The following ADGRF5 variants were observed in gnomAD, a reference collection of about 807,000 sequenced individuals.
The protein encoded by ADGRF5 is G-protein coupled receptor 116.
In ADGRF5, 75 loss-of-function variants were observed where a neutral mutation model predicts 132.3. The observed-to-expected ratio is 0.57, with a 90% CI of 0.47 to 0.69. The LOEUF (loss-of-function observed/expected upper bound fraction) is 0.69, where lower values mean the gene tolerates loss of function less well. ADGRF5 is among the 30% of genes least tolerant of loss of function. The pLI is 0.00. For synonymous variants in ADGRF5, 629 were observed against 597.6 expected, an observed-to-expected ratio of 1.05 and a Z score of -0.77; for missense variants, 1,516 against 1,630.6, an observed-to-expected ratio of 0.93 and a Z score of 1.21.
chr6:46,952,420 G>A (rs1313410068), intron 1 of ADGRF5, among the ~76,000 whole-genome samples: 1 of 152,176 alleles, frequency 6.6e-6, no homozygotes, highest in Non-Finnish European at 1.5e-5. Context: ...CTGTGAAAGG[G>A]ACTCAGTGAG....
chr6:46,947,688 G>A (rs138411837), intron 1 of ADGRF5, among the ~76,000 whole-genome samples: 51 of 152,316 alleles, frequency 3.3e-4, no homozygotes, highest in South Asian at 2.5e-3. Flanking sequence ...TCGGACATTC[G>A]CAACCTGCCC....
chr6:46,934,997 T>C (rs1438139689), intron 1 of ADGRF5, among the ~76,000 whole-genome samples: 4 of 137,868 alleles, frequency 2.9e-5, no homozygotes, highest in Non-Finnish European at 6.1e-5. Flanking sequence ...TGGTGATAGT[T>C]CTTTTTTTTT....
At chr6:46,934,065 A>T (rs1223417326) in intron 1 of ADGRF5, among the ~76,000 whole-genome samples, 1 of 152,176 alleles carries the variant, frequency 6.6e-6, no homozygotes, top group Non-Finnish European at 1.5e-5. Context: ...CAGTGTGTGC[A>T]CATACTTACG....
At chr6:46,907,215 T>C (rs987014330) in intron 1 of ADGRF5, among the ~76,000 whole-genome samples, 4 of 152,318 alleles carry the variant, frequency 2.6e-5, no homozygotes, top group South Asian at 2.1e-4. Context: ...CCCATATTAA[T>C]GGACTATGAC....
chr6:46,856,386 T>A (rs1370191505), intron 19 of ADGRF5, among the ~76,000 whole-genome samples: 1 of 152,106 alleles, frequency 6.6e-6, no homozygotes, highest in Non-Finnish European at 1.5e-5. Context: ...CTCTAATGCC[T>A]TGAATCCCCC....
intron 17 of ADGRF5, among the ~76,000 whole-genome samples, chr6:46,857,285 A>G (rs996147477): frequency 2.6e-5 from 4 of 152,300 alleles, no homozygotes; most frequent in Non-Finnish European, 5.9e-5. Flanking sequence ...GTCATTACAT[A>G]TGAACTACAT....
At chr6:46,953,657 A>ATATG (rs1778595923) in intron 1 of ADGRF5, among the ~76,000 whole-genome samples, 1 of 43,972 alleles carries the variant, frequency 2.3e-5, no homozygotes, top group Non-Finnish European at 5.8e-5. Context: ...ATGTGTATAT[A>ATATG]TATATATATA....
intron 1 of ADGRF5, among the ~76,000 whole-genome samples, chr6:46,934,755 A>G (rs1164938590): frequency 6.6e-6 from 1 of 152,176 alleles, no homozygotes; most frequent in Non-Finnish European, 1.5e-5. Context: ...TGGAACAAAC[A>G]TATGTAGCTG....
At chr6:46,940,250 C>T (rs1205213726) in intron 1 of ADGRF5, among the ~76,000 whole-genome samples, 1 of 152,152 alleles carries the variant, frequency 6.6e-6, no homozygotes, top group Admixed American at 6.5e-5. Flanking sequence ...ATTAATTGAG[C>T]CACTTGCTAT....
chr6:46,881,927 T>G (rs1338563586), intron 7 of ADGRF5, 122 bp downstream of exon 7: 1 of 796,202 alleles, frequency 1.3e-6, no homozygotes, highest in African/African-American at 1.7e-5. Flanking sequence ...TTTTTTCACC[T>G]CTACCAAACT....
rs150647239 is a variant in ADGRF5 at position 46,879,885 on chromosome 6, G to T, written c.969C>A (p.Thr323=). 1 of 1,614,038 alleles carries T rather than the reference G, an allele frequency of 6.2e-7. No individual in the cohort carries two copies. Among genetic ancestry groups the T allele is most frequent in the South Asian group, 1.1e-5 (1 of 91,078 alleles). The change falls in exon 9 of 21, where the codon ACC becomes ACA. Residue 323 remains threonine (T), a synonymous_variant. Transcript: ENST00000283296. ...IQNSSRFSIY[T]ALFNNMTSVS... ...CCGAAGTCATGTTGTTGAAAAGTGC[G>T]GTGTAAATCGAGAATCTGCTGCTGT...
intron 19 of ADGRF5, among the ~76,000 whole-genome samples, chr6:46,856,454 A>G (rs1769059659): frequency 6.6e-6 from 1 of 152,206 alleles, no homozygotes; most frequent in Non-Finnish European, 1.5e-5. Flanking sequence ...ATCATATATT[A>G]TTTTAAAACC....
At chr6:46,854,544 GA>G (rs1462522496) in intron 20 of ADGRF5, among the ~76,000 whole-genome samples, 1 of 152,172 alleles carries the variant, frequency 6.6e-6, no homozygotes, top group Non-Finnish European at 1.5e-5. Flanking sequence ...AGCAGGACCA[GA>G]AAAGAAGCAG....
intron 1 of ADGRF5, among the ~76,000 whole-genome samples, chr6:46,954,435 C>CA (rs67742847): frequency 0.05 from 4,766 of 95,566 alleles, 161 homozygotes; most frequent in African/African-American, 0.12. Context: ...ATGCAGAAGC[C>CA]AAAAAAAAAA....
intron 13 of ADGRF5, among the ~76,000 whole-genome samples, chr6:46,865,954 G>A (rs891698174): frequency 2.0e-5 from 3 of 151,894 alleles, no homozygotes; most frequent in South Asian, 4.2e-4. Context: ...AATAGTTATT[G>A]AAAAAATGAA....
intron 10 of ADGRF5, among the ~76,000 whole-genome samples, chr6:46,874,602 A>T (rs1206340749): frequency 6.6e-6 from 1 of 152,224 alleles, no homozygotes; most frequent in Non-Finnish European, 1.5e-5. Context: ...TTTAATAGAT[A>T]GAAATGGCGG....
intron 15 of ADGRF5, 68 bp downstream of exon 15, chr6:46,862,820 G>A: frequency 1.1e-6 from 1 of 938,410 alleles, no homozygotes; most frequent in Non-Finnish European, 1.6e-6. Context: ...TTTCCTAAGT[G>A]CTGAGAAATA....
chr6:46,872,021 G>C lies in ADGRF5; in HGVS notation c.1241-8C>G, dbSNP rs116927321. ...TGTCTGTCTCAGGGGTTCCTATAAT[G>C]AGAAGCAAATTGTTGCCATCCCAGC... On this transcript the variant is annotated splice_polypyrimidine_tract_variant and splice_region_variant and intron_variant, in intron 10 of 20. Coordinates refer to ENST00000283296, the MANE Select transcript of ADGRF5 (RefSeq NM_001098518.2). The C allele has an allele frequency of 1.9e-6, 3 of 1,575,004 alleles. No homozygotes were observed. In the African/African-American group the frequency reaches 4.0e-5, roughly 21 times the overall value.
intron 1 of ADGRF5, among the ~76,000 whole-genome samples, chr6:46,933,798 C>T (rs1777683130): frequency 2.0e-5 from 3 of 152,146 alleles, no homozygotes; most frequent in Admixed American, 2.0e-4. Flanking sequence ...AACTACGTCA[C>T]CTTCTATTTA....
Sources: allele counts gnomAD v4.1 joint callset (sites outside exome capture counted in the v4.1 genomes callset), GRCh38; gene constraint gnomAD v4.1.1; transcripts MANE v1.5; gene names NCBI Gene and HGNC (gene_info 2026-07-23, HGNC 2026-07-21).